The following ATP1B3 variants were observed in gnomAD, a reference collection of about 807,000 sequenced individuals.
ATP1B3 encodes sodium/potassium-transporting ATPase subunit beta-3.
In ATP1B3, 10 loss-of-function variants were observed where a neutral mutation model predicts 30.2. The ratio of observed to expected loss-of-function variants is 0.33; its 90% CI spans 0.20 to 0.56. The LOEUF (loss-of-function observed/expected upper bound fraction) is 0.56. Among genes scored for constraint, ATP1B3 ranks in the 20% least tolerant of loss-of-function variants. The probability of loss-of-function intolerance (pLI) is 0.90; values close to 1 mark genes in which losing one functional copy is unlikely to be tolerated. For synonymous variants in ATP1B3, 113 were observed against 117.0 expected (o/e 0.97, Z 0.22); for missense variants, 238 against 336.7 (o/e 0.71, Z 2.29).
chr3:141,910,107 G>A (rs1934333939), intron 3 of ATP1B3, among the ~76,000 whole-genome samples: 1 of 152,116 alleles, frequency 6.6e-6, no homozygotes, highest in African/African-American at 2.4e-5. Context: ...GAGTAGTTAG[G>A]AATACAGGCT....
chr3:141,913,542 T>C, intron 3 of ATP1B3, 110 bp from the exon 4 acceptor site: 1 of 917,552 alleles, frequency 1.1e-6, no homozygotes, highest in South Asian at 2.1e-5. Context: ...TCTGGTAATT[T>C]ACATTGCTGT....
At chr3:141,888,029 T>G (rs1368447984) in intron 1 of ATP1B3, among the ~76,000 whole-genome samples, 2 of 152,220 alleles carry the variant, frequency 1.3e-5, no homozygotes, top group African/African-American at 4.8e-5. Context: ...AGTGGTATAT[T>G]GGAGATTTGT....
intron 3 of ATP1B3, among the ~76,000 whole-genome samples, chr3:141,909,166 G>A (rs1934313197): frequency 6.6e-6 from 1 of 152,160 alleles, no homozygotes; most frequent in African/African-American, 2.4e-5. Flanking sequence ...TTCCTTGACA[G>A]TTAAATATGT....
At chr3:141,916,478 T>A (rs954338616) in intron 5 of ATP1B3, 12 of 1,082,120 alleles carry the variant, frequency 1.1e-5, no homozygotes, top group Non-Finnish European at 1.4e-5. Context: ...CCTACTTACT[T>A]TTTTTTCCAG....
chr3:141,902,179 A>G (rs956226728), intron 1 of ATP1B3: 1 of 1,289,796 alleles, frequency 7.8e-7, no homozygotes, highest in Non-Finnish European at 1.0e-6. Context: ...TGAAGGTGAC[A>G]TCCTGTTCTC....
chr3:141,901,580 C>G (rs1272823965), intron 1 of ATP1B3, among the ~76,000 whole-genome samples: 2 of 152,086 alleles, frequency 1.3e-5, no homozygotes, highest in African/African-American at 4.8e-5. Context: ...TGGGACATAG[C>G]TGTTGATTTG....
intron 1 of ATP1B3, among the ~76,000 whole-genome samples, chr3:141,887,547 C>T (rs1210431187): frequency 1.3e-5 from 2 of 152,202 alleles, no homozygotes; most frequent in Admixed American, 6.5e-5. Flanking sequence ...GCCAGCAGTT[C>T]TACTCTTAGG....
At chr3:141,903,848 C>G in intron 2 of ATP1B3, 100 bp downstream of exon 2, 1 of 1,376,962 alleles carries the variant, frequency 7.3e-7, no homozygotes. Flanking sequence ...GTGGCATGAT[C>G]TTGGGTCACT....
Position 141,925,907 on chromosome 3 carries a change from A to AGT in ATP1B3, c.*209_*210dup. ...TGTTGCCTCTGCTGCCCTTTGAACC[A>AGT]GTGTACAGTCGCCAGATAGGGACCG... On this transcript the variant is annotated 3_prime_UTR_variant, in exon 7 of 7. Coordinates refer to ENST00000286371, the MANE Select transcript of ATP1B3 (RefSeq NM_001679.4). 8.8e-6 allele frequency: 5 copies of AGT among 567,212 alleles called. No homozygotes were observed. Among genetic ancestry groups the AGT allele is most frequent in the Non-Finnish European group, 1.5e-5 (5 of 340,716 alleles). 35.1% of individuals were successfully genotyped at this position (567,212 alleles called of 1,614,324 possible).
chr3:141,896,783 T>C (rs1262526740), intron 1 of ATP1B3, among the ~76,000 whole-genome samples: 1 of 152,212 alleles, frequency 6.6e-6, no homozygotes, highest in Non-Finnish European at 1.5e-5. Flanking sequence ...TTAATTATGC[T>C]TATTTTTCTT....
chr3:141,919,693 C>T (rs182373250), intron 5 of ATP1B3, among the ~76,000 whole-genome samples: 2 of 152,256 alleles, frequency 1.3e-5, no homozygotes, highest in African/African-American at 2.4e-5. Context: ...AATTCCAGCA[C>T]TTTGGGAGGC....
At chr3:141,910,235 GT>G in intron 3 of ATP1B3, among the ~76,000 whole-genome samples, 1 of 152,170 alleles carries the variant, frequency 6.6e-6, no homozygotes, top group Non-Finnish European at 1.5e-5. Flanking sequence ...GCCTCCCAAA[GT>G]GCTGGGATTA....
intron 1 of ATP1B3, among the ~76,000 whole-genome samples, chr3:141,882,898 A>G (rs962016855): frequency 6.6e-6 from 1 of 152,060 alleles, no homozygotes; most frequent in Non-Finnish European, 1.5e-5. Flanking sequence ...ATGAGTTTTT[A>G]ATGTTCTTAT....
At chr3:141,884,790 A>C (rs1056304016) in intron 1 of ATP1B3, among the ~76,000 whole-genome samples, 1 of 152,112 alleles carries the variant, frequency 6.6e-6, no homozygotes, top group Non-Finnish European at 1.5e-5. Context: ...AGATATATAC[A>C]TATTATTAGT....
chr3:141,895,481 C>T (rs922732838), intron 1 of ATP1B3, among the ~76,000 whole-genome samples: 2 of 152,076 alleles, frequency 1.3e-5, no homozygotes, highest in African/African-American at 4.8e-5. Context: ...TGAGCCACTG[C>T]GTCCCGCCTC....
Position 141,926,523 on chromosome 3 carries a change from G to A in ATP1B3, c.*822G>A, listed in dbSNP as rs1934663925. ...TATAAATTGTGAAATATAAAAACTT[G>A]GAACTTATTCAAAGCTTCAAAGCAA... On this transcript the variant is annotated 3_prime_UTR_variant, in exon 7 of 7. Coordinates refer to ENST00000286371, the MANE Select transcript of ATP1B3 (RefSeq NM_001679.4). 1.3e-5 allele frequency: 2 copies of A among 152,082 alleles called. No individual in the cohort carries two copies. 9.4% of individuals were successfully genotyped at this position (152,082 alleles called of 1,614,324 possible). A position where few individuals can be genotyped will look rare whatever the true frequency, so the allele number is the denominator to read the frequency against.
At chr3:141,907,106 A>G in intron 2 of ATP1B3, 61 bp from the exon 3 acceptor site, 1 of 1,305,848 alleles carries the variant, frequency 7.7e-7, no homozygotes, top group Non-Finnish European at 1.1e-6. Flanking sequence ...CTTTTTAGAG[A>G]TAAGAGGAAG....
At chr3:141,913,955 G>C (rs2288636) in intron 4 of ATP1B3, 119 bp downstream of exon 4, 11 of 967,910 alleles carry the variant, frequency 1.1e-5, no homozygotes, top group Non-Finnish European at 1.6e-5. Context: ...TATCATTTGG[G>C]GGGTAGCTTG....
At chr3:141,925,508 A>C (rs777322062) in intron 6 of ATP1B3, 23 bp from the exon 7 acceptor site, 14 of 1,578,890 alleles carry the variant, frequency 8.9e-6, no homozygotes, top group Non-Finnish European at 9.4e-6. Context: ...GTTTGAATTA[A>C]TATATTTTCC....
Sources: allele counts gnomAD v4.1 joint callset (sites outside exome capture counted in the v4.1 genomes callset), GRCh38; gene constraint gnomAD v4.1.1; transcripts MANE v1.5; gene names NCBI Gene and HGNC (gene_info 2026-07-23, HGNC 2026-07-21).